Variants in CASD1 observed in about 807,000 individuals in gnomAD.
The protein encoded by CASD1 is N-acetylneuraminate (7)9-O-acetyltransferase.
CASD1 carries 41 observed loss-of-function variants against 100.0 expected under a neutral mutation model. The ratio of observed to expected loss-of-function variants is 0.41; its 90% CI spans 0.32 to 0.53. CASD1 has a LOEUF of 0.53. Ranked by LOEUF, CASD1 falls within the 20% of genes least tolerant of loss-of-function variation. The probability of loss-of-function intolerance (pLI) is 0.25; values close to 1 mark genes in which losing one functional copy is unlikely to be tolerated. For missense variants in CASD1, 774 were observed against 948.7 expected (o/e 0.82, Z 2.42); for synonymous variants, 321 against 315.6 (o/e 1.02, Z -0.18).
At chr7:94,512,181 C>A (rs1793744959) in intron 1 of CASD1, among the ~76,000 whole-genome samples, 1 of 152,156 alleles carries the variant, frequency 6.6e-6, no homozygotes, top group South Asian at 2.1e-4. Context: ...CTTTTGGCTT[C>A]CGTGGGCCCC....
Position 94,545,721 on chromosome 7 carries a change from A to C in CASD1, c.1633+20A>C. On this transcript the variant is annotated intron_variant, in intron 12 of 17. Transcript: ENST00000297273. ...CAAACGGTAAATATACTTTCTTACT[A>C]ATGTTAGTAAATATATTTTTTCAAC... The C allele has an allele frequency of 6.8e-7, 1 of 1,471,506 alleles. No individual in the cohort carries two copies. The highest frequency in any genetic ancestry group is 9.2e-7 in the Non-Finnish European group (1 of 1,081,864). 91.2% of individuals were successfully genotyped at this position (1,471,506 alleles called of 1,614,324 possible).
rs775632873 is a variant in CASD1, at chr7:94,533,750, A to T, written c.576A>T (p.Ala192=). ...ATAAAATGAACATCACCTCCATAGC[A>T]CCACTTTTAGAAAAATTGGCAAAGA... is the stretch of plus-strand genomic sequence containing the variant. The part of the protein sequence containing the change: ...SQYKMNITSI[A]PLLEKLAKTS... The change falls in exon 7 of 18, where the codon GCA becomes GCT. Residue 192 remains alanine, a synonymous_variant. Coordinates refer to ENST00000297273, the MANE Select transcript of CASD1 (RefSeq NM_022900.5). 4 of 1,604,782 alleles carry T rather than the reference A, an allele frequency of 2.5e-6. No homozygotes were observed. Among genetic ancestry groups the T allele is most frequent in the Non-Finnish European group, 2.6e-6 (3 of 1,175,474 alleles).
chr7:94,611,434 G>T, the CASD1 span, among the ~76,000 whole-genome samples: 1 of 140,320 alleles, frequency 7.1e-6, no homozygotes, highest in East Asian at 2.3e-4. Context: ...AAAATGTCCA[G>T]AATAGGCACA....
chr7:94,522,680 G>A (rs1229650512), intron 3 of CASD1, among the ~76,000 whole-genome samples: 2 of 196 alleles, frequency 0.01, no homozygotes, highest in Admixed American at 0.045. Context: ...TTTTTGAGAC[G>A]GAGTTCTCGC....
chr7:94,585,419 T>G, the CASD1 span: 1 of 1,264,858 alleles, frequency 7.9e-7, no homozygotes, highest in Non-Finnish European at 1.2e-6. Flanking sequence ...AGCTCATGCA[T>G]TATTGGAAGA....
intron 12 of CASD1, among the ~76,000 whole-genome samples, chr7:94,546,108 G>A (rs1036868142): frequency 2.6e-5 from 4 of 151,828 alleles, no homozygotes; most frequent in South Asian, 4.1e-4. Context: ...TTTGATTTAT[G>A]TATATATTGA....
At chr7:94,577,154 A>G in the CASD1 span, among the ~76,000 whole-genome samples, 3 of 152,172 alleles carry the variant, frequency 2.0e-5, no homozygotes, top group South Asian at 2.1e-4. Flanking sequence ...TTTCCTGGGC[A>G]GTTTCTATTC....
At chr7:94,604,841 AT>A in the CASD1 span, among the ~76,000 whole-genome samples, 5 of 73,152 alleles carry the variant, frequency 6.8e-5, no homozygotes, top group South Asian at 6.5e-4. Flanking sequence ...ATATATATAT[AT>A]ATATATATAT....
the CASD1 span, chr7:94,599,835 T>G: frequency 2.4e-6 from 2 of 833,218 alleles, no homozygotes; most frequent in Middle Eastern, 2.2e-4. Flanking sequence ...TTGTCACTAT[T>G]AAATGCAACC....
At chr7:94,561,246 CA>C (rs551301702), downstream of CASD1, among the ~76,000 whole-genome samples, 27 of 150,816 alleles carry the variant, frequency 1.8e-4, no homozygotes, top group Admixed American at 1.4e-3. Flanking sequence ...AACTCTGCCT[CA>C]AAAAAAAATT....
chr7:94,545,391 G>A (rs2116384204), intron 11 of CASD1, among the ~76,000 whole-genome samples, 154 bp from the exon 12 acceptor site: 1 of 152,124 alleles, frequency 6.6e-6, no homozygotes, highest in Non-Finnish European at 1.5e-5. Context: ...TAAAACAAAT[G>A]TAATTTAAGG....
chr7:94,563,577 T>A, the CASD1 span, among the ~76,000 whole-genome samples: 1 of 151,960 alleles, frequency 6.6e-6, no homozygotes, highest in Non-Finnish European at 1.5e-5. Context: ...TTTTCCCAGT[T>A]GCCAGTTGTC....
At chr7:94,553,491 A>T (rs1192583174) in intron 16 of CASD1, among the ~76,000 whole-genome samples, 2 of 152,106 alleles carry the variant, frequency 1.3e-5, no homozygotes, top group Non-Finnish European at 2.9e-5. Context: ...TGCATCCTAG[A>T]GACTTCTTAG....
chr7:94,518,147 A>G lies in CASD1; in HGVS notation c.231-56A>G. The G allele has an allele frequency of 2.1e-6, 3 of 1,451,438 alleles. No individual in the cohort carries two copies. The South Asian group carries it at 4.8e-5, about 23-fold the overall frequency. The allele number at this position is 1,451,438 out of a possible 1,614,324, so 89.9% of individuals were successfully genotyped here. On this transcript the variant is annotated intron_variant, in intron 2 of 17. Transcript: ENST00000297273. ...TTTCTTCAAAAACGGTGTGCTTTGAAATGCCAGGATGGCTGATTTTACTTA... is the reference window on the plus strand; with the variant it reads ...TTTCTTCAAAAACGGTGTGCTTTGAGATGCCAGGATGGCTGATTTTACTTA...
At chr7:94,630,470 A>T in the CASD1 span, among the ~76,000 whole-genome samples, 1 of 151,906 alleles carries the variant, frequency 6.6e-6, no homozygotes, top group Non-Finnish European at 1.5e-5. Context: ...TAATTCAAAC[A>T]ATATAATCTA....
At chr7:94,558,376 A>G (rs1054198553), downstream of CASD1, among the ~76,000 whole-genome samples, 4 of 152,188 alleles carry the variant, frequency 2.6e-5, no homozygotes, top group African/African-American at 4.8e-5. Flanking sequence ...GATGTACCAC[A>G]TGGGAGTCTG....
chr7:94,622,970 C>T, the CASD1 span, among the ~76,000 whole-genome samples: 8 of 152,016 alleles, frequency 5.3e-5, no homozygotes, highest in Admixed American at 5.2e-4. Flanking sequence ...TTGAGACAGG[C>T]TCTCACCCTA....
At chr7:94,594,781 A>C in the CASD1 span, among the ~76,000 whole-genome samples, 2 of 152,296 alleles carry the variant, frequency 1.3e-5, no homozygotes, top group Non-Finnish European at 2.9e-5. Context: ...ATTAAAGAAT[A>C]AACACATTAG....
At chr7:94,541,481 T>G (rs1795392077) in intron 10 of CASD1, among the ~76,000 whole-genome samples, 1 of 147,212 alleles carries the variant, frequency 6.8e-6, no homozygotes, top group South Asian at 2.2e-4. Flanking sequence ...GTTGTAAATT[T>G]AATACAAAGA....
Sources: allele counts gnomAD v4.1 joint callset (sites outside exome capture counted in the v4.1 genomes callset), GRCh38; gene constraint gnomAD v4.1.1; transcripts MANE v1.5; gene names NCBI Gene and HGNC (gene_info 2026-07-23, HGNC 2026-07-21).